The following RIC3 variants were observed in gnomAD, a reference collection of about 807,000 sequenced individuals.
RIC3 encodes protein RIC-3.
A neutral mutation model predicts 27.3 loss-of-function variants in RIC3; 28 were observed. That is an observed-to-expected ratio of 1.02 (90% CI 0.76 to 1.41). The LOEUF is 1.41. Among genes scored for constraint, RIC3 ranks in the 40% most tolerant of loss-of-function variants. The pLI is 0.00. For synonymous variants in RIC3, 184 were observed against 160.4 expected, an observed-to-expected ratio of 1.15 and a Z score of -1.11; for missense variants, 501 against 444.7, an observed-to-expected ratio of 1.13 and a Z score of -1.14.
chr11:8,163,959 CTACAA>C (rs1296705803), intron 1 of RIC3, among the ~76,000 whole-genome samples: 1 of 151,988 alleles, frequency 6.6e-6, no homozygotes. Flanking sequence ...ACTTAGAAAA[CTACAA>C]TAATTAAGAC....
At chr11:8,162,670 G>T (rs140671274) in intron 1 of RIC3, among the ~76,000 whole-genome samples, 2 of 114,278 alleles carry the variant, frequency 1.8e-5, no homozygotes, top group East Asian at 5.9e-4. Context: ...TTTTGAGACA[G>T]AGTCTCACTC....
chr11:8,151,585 C>CAAAAAAAA (rs60087055), intron 1 of RIC3, among the ~76,000 whole-genome samples: 53 of 61,676 alleles, frequency 8.6e-4, no homozygotes, highest in African/African-American at 4.8e-3. Flanking sequence ...AACTCCGTCT[C>CAAAAAAAA]AAAAAAAAAA....
the RIC3 span, chr11:8,100,446 C>T: frequency 5.2e-4 from 728 of 1,403,502 alleles, 14 homozygotes; most frequent in East Asian, 0.016. Flanking sequence ...TCCCCCCCAC[C>T]TTCTCCAGTA....
At chr11:8,095,141 T>G in the RIC3 span, among the ~76,000 whole-genome samples, 1 of 152,250 alleles carries the variant, frequency 6.6e-6, no homozygotes, top group African/African-American at 2.4e-5. Context: ...GTCGTGTCCA[T>G]GAATGATTGC....
intron 1 of RIC3, among the ~76,000 whole-genome samples, chr11:8,157,245 T>A (rs915403636): frequency 6.6e-6 from 1 of 152,234 alleles, no homozygotes; most frequent in South Asian, 2.1e-4. Flanking sequence ...CTGAGTAATG[T>A]GAACGATGGG....
At position 8,126,626 on chromosome 11, in the gene RIC3, C is replaced by T. The variant is rs780127161; in HGVS notation, c.670+33G>A. ...CTGTAACATCTCTTTTCTGGGCTGA[C>T]AGCTAACAAAAAAATGAGAAGACAC... On this transcript the variant is annotated intron_variant, in intron 5 of 5. Transcript: ENST00000309737. The T allele has an allele frequency of 6.2e-6, 10 of 1,610,464 alleles. No homozygotes were observed. In the Admixed American group the frequency reaches 1.5e-4, roughly 24 times the overall value.
downstream of RIC3, chr11:8,105,785 C>G (rs1944559711): frequency 6.6e-6 from 1 of 152,268 alleles, no homozygotes; most frequent in South Asian, 2.1e-4. Context: ...CTCTCCTCCT[C>G]TGTGCTCCTG....
rs1197226454 is a variant in RIC3 at position 8,109,054 on chromosome 11, TAC to T, written c.*1642_*1643del. ...TCTTCACAATGTGAATCAAATGTTC[TAC>T]ACAGAGATAGATGCAATATGCTTTC... On this transcript the variant is annotated 3_prime_UTR_variant, in exon 6 of 6. Coordinates refer to ENST00000309737, the MANE Select transcript of RIC3 (RefSeq NM_001206671.4). The T allele has an allele frequency of 1.3e-5, 2 of 152,268 alleles. No homozygotes were observed. Among genetic ancestry groups the T allele is most frequent in the Admixed American group, 6.5e-5 (1 of 15,290 alleles). The allele number at this position is 152,268 out of a possible 1,614,324, so 9.4% of individuals were successfully genotyped here.
At chr11:8,123,521 G>A (rs970889196) in intron 5 of RIC3, among the ~76,000 whole-genome samples, 6 of 152,102 alleles carry the variant, frequency 3.9e-5, no homozygotes, top group African/African-American at 1.4e-4. Flanking sequence ...AAATTACCAG[G>A]ATCAAGAATA....
downstream of RIC3, chr11:8,104,927 G>T (rs527779758): frequency 4.9e-5 from 7 of 144,104 alleles, no homozygotes; most frequent in East Asian, 1.0e-3. Context: ...GAAGCAGAAG[G>T]TTGTTTTTTT....
intron 4 of RIC3, chr11:8,135,636 G>A (rs528144447): frequency 6.6e-6 from 1 of 152,258 alleles, no homozygotes; most frequent in Admixed American, 6.5e-5. Context: ...TCTTCCATTT[G>A]TTTGTATCCT....
chr11:8,114,795 AT>A (rs1945668967), intron 5 of RIC3, among the ~76,000 whole-genome samples: 1 of 151,634 alleles, frequency 6.6e-6, no homozygotes, highest in Non-Finnish European at 1.5e-5. Context: ...TATTAAAAAA[AT>A]CAAACAGAAA....
intron 1 of RIC3, among the ~76,000 whole-genome samples, chr11:8,152,213 A>T (rs1375935287): frequency 6.6e-6 from 1 of 152,198 alleles, no homozygotes; most frequent in Non-Finnish European, 1.5e-5. Flanking sequence ...TTAAACATAG[A>T]GGACCATGTG....
Position 8,165,948 on chromosome 11 carries a change from G to GA in RIC3, c.124+2917dup, listed in dbSNP as rs10628514. ...TGCACACCACCATGCCCAGCTAATT[G>GA]AAAAAAAACAAACTTATTTTGTAGA... On this transcript the variant is annotated intron_variant, in intron 1 of 5. Coordinates refer to ENST00000309737, the MANE Select transcript of RIC3 (RefSeq NM_001206671.4). Among the ~76,000 whole-genome samples, 557 of 151,006 alleles carry GA rather than the reference G, an allele frequency of 3.7e-3. 5 individuals are homozygous for GA. Among genetic ancestry groups the GA allele is most frequent in the African/African-American group, 0.011 (445 of 41,172 alleles).
chr11:8,109,303 C>T lies in RIC3; in HGVS notation c.*1395G>A, dbSNP rs1944996576. 2 of 152,228 alleles carry T rather than the reference C, an allele frequency of 1.3e-5. No homozygotes were observed. The highest frequency in any genetic ancestry group is 4.1e-4 in the South Asian group (2 of 4,830). 9.4% of individuals were successfully genotyped at this position (152,228 alleles called of 1,614,324 possible). A position where few individuals can be genotyped will look rare whatever the true frequency, so the allele number is the denominator to read the frequency against. On this transcript the variant is annotated 3_prime_UTR_variant, in exon 6 of 6. Coordinates refer to ENST00000309737, the MANE Select transcript of RIC3 (RefSeq NM_001206671.4). Reference sequence around the variant, plus strand: ...AATGTCTTAATTTTCCAGTCTTCTACATTTCATGACTGGGAATGTCTTTGG... The same window carrying T: ...AATGTCTTAATTTTCCAGTCTTCTATATTTCATGACTGGGAATGTCTTTGG...
Position 8,168,072 on chromosome 11 carries a change from G to A in RIC3, c.124+794C>T, listed in dbSNP as rs181649401. 2.1e-4 allele frequency among the ~76,000 whole-genome samples: 32 copies of A among 152,302 alleles called. No individual in the cohort carries two copies. The Middle Eastern group carries it at 0.017, about 81-fold the overall frequency. ...AGACACCGTAAAATCATGTCTCAAA[G>A]ATATTACAAGGATAATTTACAGGAG... On this transcript the variant is annotated intron_variant, in intron 1 of 5. Coordinates refer to ENST00000309737, the MANE Select transcript of RIC3 (RefSeq NM_001206671.4).
downstream of RIC3, chr11:8,104,959 A>C (rs1169791150): frequency 2.0e-5 from 3 of 149,512 alleles, no homozygotes; most frequent in East Asian, 5.8e-4. Context: ...CATTCTGAAA[A>C]TAGCAGGACA....
the RIC3 span, chr11:8,096,926 G>A: frequency 3.8e-5 from 43 of 1,137,828 alleles, no homozygotes; most frequent in East Asian, 6.1e-4. Flanking sequence ...GGCCTCTTAT[G>A]TCCCTCTACC....
In RIC3 at chr11:8,140,007, C is replaced by A; in HGVS notation, c.311G>T (p.Gly104Val). The change falls in exon 2 of 6, where the codon GGT (glycine) becomes GTT (valine). Residue 104 changes from glycine (G) to valine (V), a missense_variant. Coordinates refer to ENST00000309737, the MANE Select transcript of RIC3 (RefSeq NM_001206671.4). ...CAGTATATATAAAAAAATCCCAAAA[C>A]CGTAGATTGGAATAATCTGCCCCAT... ...GLMGQIIPIY[G>V]FGIFLYILYI... 6.2e-7 allele frequency: 1 copy of A among 1,614,020 alleles called. No homozygotes were observed. Among genetic ancestry groups the A allele is most frequent in the Non-Finnish European group, 8.5e-7 (1 of 1,180,008 alleles).
Sources: gnomAD v4.1 joint callset for allele counts (sites outside exome capture counted in the v4.1 genomes callset) on GRCh38, gnomAD v4.1.1 for gene constraint, MANE v1.5 for transcripts, NCBI Gene and HGNC (gene_info 2026-07-23, HGNC 2026-07-21) for gene names.